The following TFB2M variants were observed in gnomAD, a reference collection of about 807,000 sequenced individuals.
The protein encoded by TFB2M is dimethyladenosine transferase 2, mitochondrial.
A neutral mutation model predicts 41.3 loss-of-function variants in TFB2M; 44 were observed. The observed-to-expected ratio is 1.07, with a 90% CI of 0.84 to 1.37. TFB2M has a LOEUF of 1.37. Among genes scored for constraint, TFB2M ranks in the 40% most tolerant of loss-of-function variants. TFB2M has a pLI of 0.00. For synonymous variants in TFB2M, 188 were observed against 176.8 expected (o/e 1.06, Z -0.50); for missense variants, 496 against 490.2 (o/e 1.01, Z -0.11).
chr1:246,557,532 G>A lies in TFB2M; in HGVS notation c.405C>T (p.Ser135=), dbSNP rs757096968. Residue 135 remains serine (S), a splice_region_variant and synonymous_variant, in exon 3 of 8, where the codon TCC becomes TCT. Coordinates refer to ENST00000366514, the MANE Select transcript of TFB2M (RefSeq NM_022366.3). The part of the protein sequence containing the change: ...SDKTFIPHLE[S]LGKNLDGKLR... The stretch of plus-strand genomic sequence containing the variant: ...GTTTTCCATCCAGATTTTTTCCTAA[G>A]GACTAAAGAGAGACAAAGATAACAC... 6 of 1,588,812 alleles carry A rather than the reference G, an allele frequency of 3.8e-6. No homozygotes were observed. In the East Asian group the frequency reaches 1.4e-4, roughly 36 times the overall value.
chr1:246,545,925 T>C (rs1207842535), intron 6 of TFB2M, among the ~76,000 whole-genome samples: 1 of 151,128 alleles, frequency 6.6e-6, no homozygotes, highest in Non-Finnish European at 1.5e-5. Flanking sequence ...CATCACTCCA[T>C]GGGAAGAGAG....
intron 2 of TFB2M, among the ~76,000 whole-genome samples, chr1:246,560,674 ATAATT>A (rs1457021748): frequency 6.6e-6 from 1 of 152,254 alleles, no homozygotes; most frequent in Non-Finnish European, 1.5e-5. Flanking sequence ...TTCAGGATAA[ATAATT>A]CAATTCATAC....
rs141204873 is a variant in TFB2M at position 246,565,318 on chromosome 1, G to C, written c.313+508C>G. On this transcript the variant is annotated intron_variant, in intron 1 of 7. Coordinates refer to ENST00000366514, the MANE Select transcript of TFB2M (RefSeq NM_022366.3). ...AGAGCATGTTTTATCAAAATATTGTGTAAAGTGCAAGCTGCTACAGAAATA... is the reference window on the plus strand; with the variant it reads ...AGAGCATGTTTTATCAAAATATTGTCTAAAGTGCAAGCTGCTACAGAAATA... Among the ~76,000 whole-genome samples the C allele has an allele frequency of 6.0e-3, 910 of 152,340 alleles. 8 individuals carry two copies. The highest frequency in any genetic ancestry group is 0.01 in the Non-Finnish European group (693 of 68,036).
chr1:246,548,091 C>T (rs1444737205), intron 6 of TFB2M, among the ~76,000 whole-genome samples: 2 of 152,092 alleles, frequency 1.3e-5, no homozygotes, highest in Non-Finnish European at 2.9e-5. Context: ...GAATTACAGG[C>T]ATGCGCCACC....
intron 2 of TFB2M, among the ~76,000 whole-genome samples, chr1:246,562,985 G>A (rs996684287): frequency 2.0e-5 from 3 of 152,038 alleles, no homozygotes; most frequent in Non-Finnish European, 2.9e-5. Context: ...AAAGCCGGCC[G>A]GCAGAATGTC....
chr1:246,545,018 G>A (rs1035560400), intron 6 of TFB2M, among the ~76,000 whole-genome samples: 3 of 151,684 alleles, frequency 2.0e-5, no homozygotes, highest in Non-Finnish European at 4.4e-5. Context: ...TGTTAGCCAG[G>A]ATGGTCTCGA....
At chr1:246,548,879 T>C (rs967065632) in intron 5 of TFB2M, among the ~76,000 whole-genome samples, 19 of 152,236 alleles carry the variant, frequency 1.2e-4, no homozygotes, top group Admixed American at 9.2e-4. Context: ...TAAGTATTTG[T>C]TATAATTTTT....
At chr1:246,543,293 TGAATG>T (rs535807662) in intron 7 of TFB2M, among the ~76,000 whole-genome samples, 7 of 152,066 alleles carry the variant, frequency 4.6e-5, no homozygotes, top group Non-Finnish European at 8.8e-5. Context: ...GGCGAGACTT[TGAATG>T]ACTATGGGCT....
At position 246,556,625 on chromosome 1, in the gene TFB2M, T is replaced by C. The variant is rs147911032; in HGVS notation, c.653A>G (p.Tyr218Cys). The part of the protein sequence containing the change: ...AYDLYSCTSI[Y>C]KFGRIEVNMF... ...ATTTACTTCTATTCGTCCAAATTTA[T>C]ATATAGAAGTACAGGAATACAAGTC... The change falls in exon 4 of 8, where the codon TAT becomes TGT. Residue 218 changes from tyrosine (Y) to cysteine (C), a missense_variant. Coordinates refer to ENST00000366514, the MANE Select transcript of TFB2M (RefSeq NM_022366.3). 15 of 1,559,286 alleles carry C rather than the reference T, an allele frequency of 9.6e-6. No individual in the cohort carries two copies. The highest frequency in any genetic ancestry group is 1.3e-5 in the Non-Finnish European group (15 of 1,155,902).
chr1:246,544,783 C>G (rs1370410690), intron 6 of TFB2M, 102 bp from the exon 7 acceptor site: 5 of 1,012,298 alleles, frequency 4.9e-6, no homozygotes, highest in Admixed American at 5.8e-5. Context: ...ACACAATCAC[C>G]ACAGGCCCTG....
chr1:246,542,154 T>A (rs3120698), intron 7 of TFB2M, among the ~76,000 whole-genome samples: 47,232 of 151,790 alleles, frequency 0.31, 8,246 homozygotes, highest in Middle Eastern at 0.44. Flanking sequence ...ATACAGCATC[T>A]TTATAATCTT....
At chr1:246,556,820 ATTT>A in intron 3 of TFB2M, 99 bp from the exon 4 acceptor site, 3 of 1,011,536 alleles carry the variant, frequency 3.0e-6, no homozygotes, top group Non-Finnish European at 4.2e-6. Flanking sequence ...AACTATATTA[ATTT>A]CAAGTTTATT....
intron 4 of TFB2M, among the ~76,000 whole-genome samples, chr1:246,553,801 G>A (rs1214104080): frequency 2.0e-5 from 3 of 152,174 alleles, no homozygotes; most frequent in African/African-American, 2.4e-5. Context: ...CAGATTCAAC[G>A]CAATCCCTAG....
intron 7 of TFB2M, among the ~76,000 whole-genome samples, chr1:246,543,855 T>C (rs1413084776): frequency 6.8e-6 from 1 of 147,566 alleles, no homozygotes; most frequent in Non-Finnish European, 1.5e-5. Context: ...CCGGGCGTGG[T>C]GGTGCATGCT....
At chr1:246,547,910 T>G (rs1342068072) in intron 6 of TFB2M, among the ~76,000 whole-genome samples, 1 of 151,858 alleles carries the variant, frequency 6.6e-6, no homozygotes, top group Non-Finnish European at 1.5e-5. Flanking sequence ...TACCTATCAG[T>G]GAATTCAACC....
intron 1 of TFB2M, 60 bp downstream of exon 1, chr1:246,565,766 G>C: frequency 6.5e-7 from 1 of 1,535,868 alleles, no homozygotes; most frequent in Non-Finnish European, 8.9e-7. Context: ...ACCCCGAGGA[G>C]GGTCAATACG....
intron 6 of TFB2M, among the ~76,000 whole-genome samples, chr1:246,546,966 TACACAC>T (rs1372687255): frequency 7.6e-6 from 1 of 132,318 alleles, no homozygotes; most frequent in African/African-American, 2.8e-5. Context: ...TATGTATATA[TACACAC>T]ACACACACAC....
chr1:246,561,439 T>C (rs751451415), intron 2 of TFB2M, among the ~76,000 whole-genome samples: 4 of 152,222 alleles, frequency 2.6e-5, no homozygotes, highest in African/African-American at 9.6e-5. Flanking sequence ...CATTAAACAA[T>C]TGTTTTAAAA....
At chr1:246,561,456 T>A (rs189563060) in intron 2 of TFB2M, among the ~76,000 whole-genome samples, 154 of 152,326 alleles carry the variant, frequency 1.0e-3, no homozygotes, top group African/African-American at 3.6e-3. Flanking sequence ...AAAATTAAAC[T>A]GTTATCTTGA....
Sources: allele counts gnomAD v4.1 joint callset (sites outside exome capture counted in the v4.1 genomes callset), GRCh38; gene constraint gnomAD v4.1.1; transcripts MANE v1.5; gene names NCBI Gene and HGNC (gene_info 2026-07-23, HGNC 2026-07-21).